SPATS1: variants seen among roughly 807,000 people sequenced by gnomAD.
SPATS1 encodes the protein spermatogenesis-associated serine-rich protein 1.
A neutral mutation model predicts 33.6 loss-of-function variants in SPATS1; 23 were observed. The ratio of observed to expected loss-of-function variants is 0.68; its 90% CI spans 0.49 to 0.97. SPATS1 has a LOEUF of 0.97. Ranked by LOEUF, SPATS1 falls within the 50% of genes least tolerant of loss-of-function variation. The probability of loss-of-function intolerance (pLI) is 0.00; values close to 1 mark genes in which losing one functional copy is unlikely to be tolerated. For missense variants in SPATS1, 327 were observed against 361.0 expected, an observed-to-expected ratio of 0.91 and a Z score of 0.76; for synonymous variants, 131 against 125.6, an observed-to-expected ratio of 1.04 and a Z score of -0.29.
intron 2 of SPATS1, among the ~76,000 whole-genome samples, chr6:44,348,761 A>T (rs932165713): frequency 2.6e-5 from 4 of 152,196 alleles, no homozygotes; most frequent in Non-Finnish European, 5.9e-5. Context: ...AGGCAGGCAG[A>T]TCATGAGGTC....
intron 3 of SPATS1, among the ~76,000 whole-genome samples, chr6:44,354,138 A>T (rs1203643688): frequency 2.0e-5 from 3 of 151,574 alleles, no homozygotes; most frequent in Non-Finnish European, 4.4e-5. Context: ...GTTCGAGGCC[A>T]GCCAGGGCAA....
At chr6:44,348,939 T>C (rs2153365295) in intron 2 of SPATS1, among the ~76,000 whole-genome samples, 1 of 152,298 alleles carries the variant, frequency 6.6e-6, no homozygotes, top group African/African-American at 2.4e-5. Context: ...GAGACCAGCT[T>C]GGCCAACATG....
At chr6:44,368,270 A>G in intron 5 of SPATS1, 109 bp from the exon 6 acceptor site, 3 of 1,104,374 alleles carry the variant, frequency 2.7e-6, no homozygotes, top group Non-Finnish European at 3.7e-6. Context: ...TATGTAATTT[A>G]TAATAAAATA....
At chr6:44,368,261 A>G (rs1359768614) in intron 5 of SPATS1, 118 bp from the exon 6 acceptor site, 7 of 1,030,454 alleles carry the variant, frequency 6.8e-6, no homozygotes, top group Non-Finnish European at 9.4e-6. Flanking sequence ...AGAAACTTCT[A>G]TGTAATTTAT....
At chr6:44,348,896 TG>T (rs1358660548) in intron 2 of SPATS1, among the ~76,000 whole-genome samples, 2 of 152,212 alleles carry the variant, frequency 1.3e-5, no homozygotes, top group Middle Eastern at 3.2e-3. Context: ...TTTGGGAGGC[TG>T]AGATGGGTGG....
intron 4 of SPATS1, 43 bp from the exon 5 acceptor site, chr6:44,361,788 G>A: frequency 6.2e-7 from 1 of 1,612,914 alleles, no homozygotes; most frequent in East Asian, 2.2e-5. Context: ...TGCATTATGA[G>A]GCTGGGAACA....
intron 3 of SPATS1, among the ~76,000 whole-genome samples, chr6:44,357,496 C>T (rs1340481905): frequency 1.3e-5 from 2 of 152,202 alleles, no homozygotes; most frequent in Non-Finnish European, 2.9e-5. Context: ...GATTCCCCCT[C>T]CTCAGCTCCC....
intron 2 of SPATS1, among the ~76,000 whole-genome samples, chr6:44,344,005 C>G (rs1031538036): frequency 3.9e-5 from 6 of 152,124 alleles, no homozygotes; most frequent in Non-Finnish European, 8.8e-5. Context: ...GGAGGTACAA[C>G]TCATTCCACC....
chr6:44,362,085 C>A, intron 5 of SPATS1, 93 bp downstream of exon 5: 1 of 1,481,086 alleles, frequency 6.8e-7, no homozygotes. Context: ...TGGGGGCAGC[C>A]CTGTAGAGTC....
chr6:44,357,028 T>C (rs1788629053), intron 3 of SPATS1, among the ~76,000 whole-genome samples: 1 of 152,200 alleles, frequency 6.6e-6, no homozygotes, highest in African/African-American at 2.4e-5. Context: ...CATGTGACCA[T>C]GTCATGTCGT....
chr6:44,347,764 T>A (rs1375805721), intron 2 of SPATS1, among the ~76,000 whole-genome samples: 1 of 152,216 alleles, frequency 6.6e-6, no homozygotes, highest in Non-Finnish European at 1.5e-5. Context: ...AAATGCCACT[T>A]GTTTTCATAT....
intron 7 of SPATS1, among the ~76,000 whole-genome samples, chr6:44,375,942 CT>C (rs1216161281): frequency 1.3e-5 from 2 of 151,728 alleles, no homozygotes; most frequent in Non-Finnish European, 1.5e-5. Context: ...CCTGTCTCTA[CT>C]AAAAATACAA....
chr6:44,372,071 T>C (rs1403956665), intron 7 of SPATS1, among the ~76,000 whole-genome samples: 2 of 151,256 alleles, frequency 1.3e-5, no homozygotes, highest in African/African-American at 4.9e-5. Context: ...CTGGCCAACA[T>C]GGTGAGACCC....
At chr6:44,361,444 G>T in intron 4 of SPATS1, 1 of 985,438 alleles carries the variant, frequency 1.0e-6, no homozygotes, top group Non-Finnish European at 1.2e-6. Context: ...CACTGGCCTA[G>T]CCATTTGCTG....
chr6:44,372,252 CAAAA>C (rs1202728244), intron 7 of SPATS1, among the ~76,000 whole-genome samples: 1 of 80,642 alleles, frequency 1.2e-5, no homozygotes. Context: ...GACTCCATCT[CAAAA>C]AAAAAAAAAA....
In SPATS1 at chr6:44,377,945, A is replaced by G. The variant is rs1301860686; in HGVS notation, c.*882A>G. On this transcript the variant is annotated 3_prime_UTR_variant, in exon 9 of 9. Transcript: ENST00000674044. ...TGGGGTGGGGAGGACAAACATTTAG[A>G]CCATAGCAGTGAACTTTCATTGCTT... 1.3e-5 allele frequency: 2 copies of G among 152,128 alleles called. No individual in the cohort carries two copies. The highest frequency in any genetic ancestry group is 2.9e-5 in the Non-Finnish European group (2 of 68,030). The allele number at this position is 152,128 out of a possible 1,614,324, so 9.4% of individuals were successfully genotyped here.
chr6:44,362,123 G>C (rs1293672943), intron 5 of SPATS1, 131 bp downstream of exon 5: 1 of 1,164,354 alleles, frequency 8.6e-7, no homozygotes, highest in South Asian at 1.4e-5. Flanking sequence ...CAGCCAGGAA[G>C]ACAGAAAAGT....
At chr6:44,365,020 C>T (rs1789160655) in intron 5 of SPATS1, among the ~76,000 whole-genome samples, 2 of 152,080 alleles carry the variant, frequency 1.3e-5, no homozygotes, top group South Asian at 2.1e-4. Context: ...AACTCCTGAC[C>T]TCAGATGATC....
intron 2 of SPATS1, 96 bp downstream of exon 2, chr6:44,343,330 T>A: frequency 6.9e-7 from 1 of 1,451,760 alleles, no homozygotes; most frequent in Non-Finnish European, 9.6e-7. Context: ...CATTTGAAGT[T>A]TAGAAGGAAG....
Sources: allele counts gnomAD v4.1 joint callset (sites outside exome capture counted in the v4.1 genomes callset), GRCh38; gene constraint gnomAD v4.1.1; transcripts MANE v1.5; gene names NCBI Gene and HGNC (gene_info 2026-07-23, HGNC 2026-07-21).